Variants in PRKD3 observed in about 807,000 individuals in gnomAD.
PRKD3 encodes serine/threonine-protein kinase D3.
A neutral mutation model predicts 99.2 loss-of-function variants in PRKD3; 47 were observed. The observed-to-expected ratio is 0.47, with a 90% CI of 0.38 to 0.60. The LOEUF is 0.60. Among genes scored for constraint, PRKD3 ranks in the 20% least tolerant of loss-of-function variants. The pLI is 0.00. For missense variants in PRKD3, 1,019 were observed against 1,088.4 expected (o/e 0.94, Z 0.90); for synonymous variants, 392 against 355.4 (o/e 1.10, Z -1.16).
At chr2:37,256,490 A>T (rs79584724) in intron 17 of PRKD3, among the ~76,000 whole-genome samples, 172 bp downstream of exon 17, 4,945 of 152,280 alleles carry the variant, frequency 0.032, 103 homozygotes, top group Non-Finnish European at 0.048. Context: ...AGATAAAAGT[A>T]TAAAAAGAAG....
At chr2:37,262,708 T>TG (rs1006649379) in intron 14 of PRKD3, among the ~76,000 whole-genome samples, 1 of 152,196 alleles carries the variant, frequency 6.6e-6, no homozygotes, top group Admixed American at 6.5e-5. Context: ...TAAAAACACG[T>TG]GGACACACAA....
intron 14 of PRKD3, among the ~76,000 whole-genome samples, chr2:37,266,019 CA>C (rs1211003725): frequency 2.6e-5 from 4 of 152,102 alleles, no homozygotes; most frequent in Non-Finnish European, 5.9e-5. Flanking sequence ...ATTAGATACG[CA>C]AAAATACCTG....
chr2:37,281,015 T>G (rs1669834984), intron 7 of PRKD3, among the ~76,000 whole-genome samples: 1 of 152,186 alleles, frequency 6.6e-6, no homozygotes, highest in South Asian at 2.1e-4. Flanking sequence ...ATGCTCAATA[T>G]TATTAGCCAC....
At chr2:37,260,411 G>T in intron 14 of PRKD3, 27 bp from the exon 15 acceptor site, 1 of 1,577,692 alleles carries the variant, frequency 6.3e-7, no homozygotes, top group Non-Finnish European at 8.7e-7. Context: ...AGATACATGA[G>T]CAACTTAAGC....
In PRKD3 at chr2:37,275,755, T is replaced by C; in HGVS notation, c.1374+12A>G. The C allele has an allele frequency of 1.3e-6, 2 of 1,591,746 alleles. No homozygotes were observed. Among genetic ancestry groups the C allele is most frequent in the Non-Finnish European group, 1.7e-6 (2 of 1,172,606 alleles). Reference sequence around the variant, plus strand: ...CTTAATGCTTATATTTTTTAAAGTGTAAAATCCTTACCTTATAATACTTTG... The same window carrying C: ...CTTAATGCTTATATTTTTTAAAGTGCAAAATCCTTACCTTATAATACTTTG... On this transcript the variant is annotated intron_variant, in intron 10 of 18. Coordinates refer to ENST00000234179, the MANE Select transcript of PRKD3 (RefSeq NM_005813.6).
intron 14 of PRKD3, among the ~76,000 whole-genome samples, chr2:37,265,578 G>T (rs1326986529): frequency 6.6e-6 from 1 of 152,104 alleles, no homozygotes; most frequent in East Asian, 1.9e-4. Context: ...GACAGACTTA[G>T]ATTCAAACTC....
At chr2:37,280,483 GT>G (rs1290614941) in intron 7 of PRKD3, among the ~76,000 whole-genome samples, 7 of 152,296 alleles carry the variant, frequency 4.6e-5, no homozygotes, top group African/African-American at 1.7e-4. Context: ...CACCATTATG[GT>G]CAACTGATTT....
At chr2:37,261,268 T>TTTGA (rs1186185489) in intron 14 of PRKD3, among the ~76,000 whole-genome samples, 1 of 147,502 alleles carries the variant, frequency 6.8e-6, no homozygotes, top group East Asian at 2.1e-4. Context: ...AGGTGGATCA[T>TTTGA]TTGAGGTCAG....
Position 37,269,628 on chromosome 2 carries a change from G to A in PRKD3, c.1764C>T (p.Gly588=), listed in dbSNP as rs1324336431. ...ADEVLGSGQF[G]IVYGGKHRKT... is the part of the protein sequence containing the mutation. ...GTAGTTGCTTACCTCCATAAACGAT[G>A]CCAAACTGGCCTGAACCAAGCACCT... is the stretch of plus-strand genomic sequence containing the variant. The change falls in exon 13 of 19, where the codon GGC becomes GGT. Residue 588 remains glycine, a synonymous_variant. Coordinates refer to ENST00000234179, the MANE Select transcript of PRKD3 (RefSeq NM_005813.6). The A allele has an allele frequency of 1.9e-6, 3 of 1,612,092 alleles. No homozygotes were observed. Among genetic ancestry groups the A allele is most frequent in the Admixed American group, 1.7e-5 (1 of 60,000 alleles).
At chr2:37,307,867 T>C (rs960615700) in intron 2 of PRKD3, among the ~76,000 whole-genome samples, 1 of 152,236 alleles carries the variant, frequency 6.6e-6, no homozygotes, top group African/African-American at 2.4e-5. Flanking sequence ...GTTAGAGATA[T>C]TTTCTTGGGA....
intron 2 of PRKD3, among the ~76,000 whole-genome samples, chr2:37,307,560 C>A (rs1263084885): frequency 6.6e-6 from 1 of 152,158 alleles, no homozygotes; most frequent in East Asian, 1.9e-4. Flanking sequence ...TTTCCAGTAT[C>A]ATGTTTTTAG....
At chr2:37,315,613 TTC>T (rs1671623818) in intron 2 of PRKD3, among the ~76,000 whole-genome samples, 1 of 152,184 alleles carries the variant, frequency 6.6e-6, no homozygotes, top group Non-Finnish European at 1.5e-5. Flanking sequence ...ACCTCCTGTT[TTC>T]TCTGAAAACA....
intron 6 of PRKD3, among the ~76,000 whole-genome samples, chr2:37,284,714 C>G (rs1280184742): frequency 6.6e-6 from 1 of 152,156 alleles, no homozygotes; most frequent in Non-Finnish European, 1.5e-5. Context: ...TACCTGACAA[C>G]AAATGTATAA....
chr2:37,302,227 T>C (rs1262138928), intron 2 of PRKD3, among the ~76,000 whole-genome samples: 1 of 152,152 alleles, frequency 6.6e-6, no homozygotes, highest in Non-Finnish European at 1.5e-5. Flanking sequence ...TTTGGCCTCT[T>C]TCCAACTGTT....
chr2:37,315,146 A>T (rs1489620359), intron 2 of PRKD3, among the ~76,000 whole-genome samples: 1 of 152,244 alleles, frequency 6.6e-6, no homozygotes, highest in Non-Finnish European at 1.5e-5. Context: ...GTTTGAAACA[A>T]ATCTGAAACA....
At chr2:37,307,780 G>C (rs571951083) in intron 2 of PRKD3, among the ~76,000 whole-genome samples, 2 of 152,326 alleles carry the variant, frequency 1.3e-5, no homozygotes, top group South Asian at 4.1e-4. Flanking sequence ...GGTGTGTAAT[G>C]AAACTGGATG....
intron 6 of PRKD3, among the ~76,000 whole-genome samples, chr2:37,284,122 T>C (rs1341207921): frequency 1.3e-5 from 2 of 152,158 alleles, no homozygotes; most frequent in African/African-American, 4.8e-5. Flanking sequence ...ATTCTTAGAA[T>C]TGTGTATTTT....
rs149135051 is a variant in PRKD3, at chr2:37,316,703, G to A, written c.-179C>T. On this transcript the variant is annotated 5_prime_UTR_variant, in exon 2 of 19. Transcript: ENST00000234179. ...TTTAAGTTTTATCAAGGAGTTGAAT[G>A]CCCCAAAGGTCCTATTTCTCTTAAT... 599 of 1,425,922 alleles carry A rather than the reference G, an allele frequency of 4.2e-4. 3 individuals are homozygous for A. The African/African-American group carries it at 7.9e-3, about 19-fold the overall frequency. The allele number at this position is 1,425,922 out of a possible 1,614,324, so 88.3% of individuals were successfully genotyped here. A position where few individuals can be genotyped will look rare whatever the true frequency, so the allele number is the denominator to read the frequency against.
intron 16 of PRKD3, among the ~76,000 whole-genome samples, chr2:37,257,667 A>T (rs1668075832): frequency 1.3e-5 from 1 of 78,736 alleles, no homozygotes; most frequent in Non-Finnish European, 2.1e-5. Context: ...ACTCTGTCTC[A>T]AAAGAAAAAA....
Sources: gnomAD v4.1 joint callset for allele counts (sites outside exome capture counted in the v4.1 genomes callset) on GRCh38, gnomAD v4.1.1 for gene constraint, MANE v1.5 for transcripts, NCBI Gene and HGNC (gene_info 2026-07-23, HGNC 2026-07-21) for gene names.